Variants in NAPRT observed in about 807,000 individuals in gnomAD.
NAPRT encodes the protein nicotinate phosphoribosyltransferase, also known as FHA-HIT-interacting protein.
Under a neutral mutation model 60.7 loss-of-function variants are expected in NAPRT, and 66 were observed. The observed-to-expected ratio is 1.09, with a 90% CI of 0.89 to 1.33. NAPRT has a LOEUF of 1.33. Among genes scored for constraint, NAPRT ranks in the 40% most tolerant of loss-of-function variants. The probability of loss-of-function intolerance (pLI) is 0.00; values close to 1 mark genes in which losing one functional copy is unlikely to be tolerated. For synonymous variants in NAPRT, 405 were observed against 335.7 expected (o/e 1.21, Z -2.26); for missense variants, 818 against 731.5 (o/e 1.12, Z -1.36).
downstream of NAPRT, chr8:143,573,707 G>C (rs1824216641): frequency 6.9e-6 from 1 of 144,588 alleles, no homozygotes; most frequent in Admixed American, 7.2e-5. Context: ...AGCCACTCTG[G>C]CTGGGCCCCT....
downstream of NAPRT, chr8:143,574,562 T>C (rs72691478): frequency 1.7e-6 from 1 of 588,538 alleles, no homozygotes; most frequent in African/African-American, 1.9e-5. Context: ...AGTTCTAGTG[T>C]GGGATCTGAC....
chr8:143,575,719 G>T lies in NAPRT; in HGVS notation c.1108-17C>A. 18 of 1,549,906 alleles carry T rather than the reference G, an allele frequency of 1.2e-5. No individual in the cohort carries two copies. The highest frequency in any genetic ancestry group is 1.5e-5 in the Non-Finnish European group (17 of 1,146,268). On this transcript the variant is annotated splice_polypyrimidine_tract_variant and intron_variant, in intron 8 of 12. Transcript: ENST00000449291. ...CTCACTGCCCTGGGTGGGGAAGGGG[G>T]TGGCCGTGAGCCCAGCTGCCCTGGG...
At chr8:143,577,976 C>T (rs1386941326) in intron 1 of NAPRT, 33 bp from the exon 2 acceptor site, 3 of 1,591,470 alleles carry the variant, frequency 1.9e-6, no homozygotes, top group Non-Finnish European at 2.6e-6. Flanking sequence ...GAGACCAGCG[C>T]GGGGACAGAC....
chr8:143,574,234 C>T (rs1377026073), downstream of NAPRT, among the ~76,000 whole-genome samples: 2 of 152,250 alleles, frequency 1.3e-5, no homozygotes, highest in African/African-American at 4.8e-5. Flanking sequence ...CATTCTTCCT[C>T]TCCTTCCGTG....
downstream of NAPRT, chr8:143,573,060 G>A (rs567013524): frequency 8.4e-5 from 28 of 333,876 alleles, no homozygotes; most frequent in Non-Finnish European, 1.5e-4. Flanking sequence ...GGGAGCTCAG[G>A]GCAGTTGTGG....
downstream of NAPRT, chr8:143,572,931 A>T: frequency 1.9e-6 from 1 of 532,374 alleles, no homozygotes; most frequent in Non-Finnish European, 3.2e-6. Context: ...CTGCAGCCTG[A>T]GTGCCTGTGG....
chr8:143,578,015 G>T lies in NAPRT; in HGVS notation c.227-72C>A, dbSNP rs547965344. On this transcript the variant is annotated intron_variant, in intron 1 of 12. Transcript: ENST00000449291. ...TCGTGGGACATGGGGGGTTCCACGGGGGGACAAGGACTTCCACCGGCCATA... is the reference window on the plus strand; with the variant it reads ...TCGTGGGACATGGGGGGTTCCACGGTGGGACAAGGACTTCCACCGGCCATA... 117 of 1,543,972 alleles carry T rather than the reference G, an allele frequency of 7.6e-5. No homozygotes were observed. The South Asian group carries it at 1.3e-3, about 17-fold the overall frequency.
Position 143,578,199 on chromosome 8 carries a change from C to T in NAPRT, c.120G>A (p.Glu40=), listed in dbSNP as rs1438831453. ...GGCAGCGGCGGAAGAAGAGCTCGAACTCGGCGGCGTCCCGCGCCCGGCCCG... is the reference window on the plus strand; with the variant it reads ...GGCAGCGGCGGAAGAAGAGCTCGAATTCGGCGGCGTCCCGCGCCCGGCCCG... ...WRAGRARDAA[E]FELFFRRCPF... is the part of the protein sequence containing the mutation. Residue 40 remains glutamate, a synonymous_variant, in exon 1 of 13, where the codon GAG becomes GAA. Coordinates refer to ENST00000449291, the MANE Select transcript of NAPRT (RefSeq NM_145201.6). 1.3e-6 allele frequency: 2 copies of T among 1,509,294 alleles called. No homozygotes were observed. The highest frequency in any genetic ancestry group is 8.8e-7 in the Non-Finnish European group (1 of 1,133,728). The allele number at this position is 1,509,294 out of a possible 1,614,324, so 93.5% of individuals were successfully genotyped here.
chr8:143,577,338 C>G lies in NAPRT; in HGVS notation c.499G>C (p.Glu167Gln). The G allele has an allele frequency of 6.2e-7, 1 of 1,605,600 alleles. No homozygotes were observed. Among genetic ancestry groups the G allele is most frequent in the Non-Finnish European group, 8.5e-7 (1 of 1,177,212 alleles). ...LIAGPEKRLL[E>Q]MGLRRAQGPD... ...CCCTGAGCCCGCCTCAGGCCCATCT[C>G]TAGCAGCCGCTTCTCTGGCCCTGCG... Residue 167 changes from glutamate to glutamine, a missense_variant, in exon 4 of 13, where the codon GAG (glutamate) becomes CAG (glutamine). Physicochemically the swap from Glu to Gln is conservative, Grantham distance 29. Transcript: ENST00000449291.
intron 3 of NAPRT, 123 bp downstream of exon 3, chr8:143,577,534 G>T (rs571475894): frequency 1.2e-5 from 18 of 1,443,888 alleles, no homozygotes; most frequent in Admixed American, 2.1e-5. Context: ...CCTGAAGAGT[G>T]GGGGCGGGAG....
downstream of NAPRT, chr8:143,573,355 G>GGGTCCTT (rs1359814567): frequency 6.6e-6 from 1 of 152,354 alleles, no homozygotes; most frequent in Non-Finnish European, 1.5e-5. Flanking sequence ...TCTGGGTCCT[G>GGGTCCTT]GGTCCTTGGC....
Position 143,577,019 on chromosome 8 carries a change from G to C in NAPRT, c.684+43C>G, listed in dbSNP as rs1370743189. Reference sequence around the variant, plus strand: ...CTCGCCAGGGCAAGGGCTGGCTTGGGGCCTGTCGCCTGGAGACAGCAGGGT... The same window carrying C: ...CTCGCCAGGGCAAGGGCTGGCTTGGCGCCTGTCGCCTGGAGACAGCAGGGT... On this transcript the variant is annotated intron_variant, in intron 5 of 12. Transcript: ENST00000449291. 2.5e-6 allele frequency: 4 copies of C among 1,588,136 alleles called. No homozygotes were observed. In the South Asian group the frequency reaches 4.4e-5, roughly 18 times the overall value.
chr8:143,577,854 C>T lies in NAPRT; in HGVS notation c.316G>A (p.Val106Met), dbSNP rs200364051. 384 of 1,611,936 alleles carry T rather than the reference C, an allele frequency of 2.4e-4. 1 individual carries two copies. In the Middle Eastern group the frequency reaches 3.0e-3, roughly 12 times the overall value. The change falls in exon 2 of 13, where the codon GTG becomes ATG. Residue 106 changes from valine (V) to methionine (M), a missense_variant. Transcript: ENST00000449291. ...AGGGAGCCCTCGGGCAGGGCTCGCA[C>T]CGTCACCTCGGAGCAGTCGAGGGCC... ...LRALDCSEVT[V>M]RALPEGSLAF...
intron 11 of NAPRT, 32 bp downstream of exon 11, chr8:143,575,158 TG>T (rs781136949): frequency 8.8e-6 from 14 of 1,589,882 alleles, no homozygotes; most frequent in Non-Finnish European, 1.0e-5. Flanking sequence ...CTACCGGGGC[TG>T]GGGGTCAGGA....
At chr8:143,578,066 G>T (rs1486828157) in intron 1 of NAPRT, 27 bp downstream of exon 1, 6 of 1,501,290 alleles carry the variant, frequency 4.0e-6, no homozygotes, top group South Asian at 2.6e-5. Context: ...CGGGCGTGGG[G>T]GGCTCGTCGC....
At chr8:143,576,239 G>T (rs1432863298) in intron 7 of NAPRT, 77 bp from the exon 8 acceptor site, 3 of 1,431,976 alleles carry the variant, frequency 2.1e-6, no homozygotes, top group Non-Finnish European at 2.8e-6. Context: ...CCTGCTCCCC[G>T]CCCCGCCTCA....
At chr8:143,574,644 G>A (rs558620255), downstream of NAPRT, 12 of 696,718 alleles carry the variant, frequency 1.7e-5, no homozygotes, top group East Asian at 2.4e-4. Flanking sequence ...TGTCTCCCAC[G>A]CCGGCAGGGC....
At chr8:143,573,169 CCTGGGGCTAGGGG>C (rs1824174295), downstream of NAPRT, among the ~76,000 whole-genome samples, 1 of 152,152 alleles carries the variant, frequency 6.6e-6, no homozygotes, top group African/African-American at 2.4e-5. Context: ...CCCCACTGGG[CCTGGGGCTAGGGG>C]CTGGCCCCGC....
At position 143,574,901 on chromosome 8, in the gene NAPRT, C is replaced by T. The variant is rs1824316262; in HGVS notation, c.1555-1G>A. On this transcript the variant is annotated splice_acceptor_variant, in intron 12 of 12. Transcript: ENST00000449291. LOFTEE classifies it high-confidence loss of function. ...CCTGCAGCCTCTCGGACAGCACCAC[C>T]TGCAGGGAGCAGAGGACAGGAGCGG... 6.4e-7 allele frequency: 1 copy of T among 1,550,658 alleles called. No homozygotes were observed. The highest frequency in any genetic ancestry group is 8.7e-7 in the Non-Finnish European group (1 of 1,147,010).
Sources: gnomAD v4.1 joint callset for allele counts (sites outside exome capture counted in the v4.1 genomes callset) on GRCh38, gnomAD v4.1.1 for gene constraint, MANE v1.5 for transcripts, NCBI Gene and HGNC (gene_info 2026-07-23, HGNC 2026-07-21) for gene names.